NHSL2: variants seen among roughly 807,000 people sequenced by gnomAD.
The protein encoded by NHSL2 is NHS-like protein 2.
In NHSL2, 27 loss-of-function variants were observed where a neutral mutation model predicts 53.4. That is an observed-to-expected ratio of 0.51 (90% CI 0.37 to 0.70). The LOEUF is 0.70. Ranked by LOEUF, NHSL2 falls within the 30% of genes least tolerant of loss-of-function variation. The pLI is 0.00. For missense variants in NHSL2, 892 were observed against 980.1 expected (o/e 0.91, Z 1.20); for synonymous variants, 408 against 404.1 (o/e 1.01, Z -0.12).
At chrX:71,993,091 C>T (rs1179693792) in intron 1 of NHSL2, among the ~76,000 whole-genome samples, 1 of 112,049 alleles carries the variant, frequency 8.9e-6, no homozygotes, top group Middle Eastern at 4.2e-3. Context: ...TTCCACATAG[C>T]CAGCTGGGCC....
rs1038672289 is a variant in NHSL2 at position 72,150,797 on chromosome X, C to T, written c.*7223C>T. 8.9e-6 allele frequency: 1 copy of T among 111,963 alleles called. No homozygotes were observed. The highest frequency in any genetic ancestry group is 3.3e-5 in the African/African-American group (1 of 30,769). 9.2% of individuals were successfully genotyped at this position (111,963 alleles called of 1,213,427 possible). On this transcript the variant is annotated 3_prime_UTR_variant, in exon 8 of 8. Transcript: ENST00000633930. ...ATTTTCCATTGTTCCCTTGTTTCTC[C>T]TGGACTTCCTCTCGTTTCTCTTTTC...
intron 1 of NHSL2, among the ~76,000 whole-genome samples, chrX:72,049,147 G>C (rs972548661): frequency 3.6e-5 from 4 of 111,187 alleles, no homozygotes; most frequent in Non-Finnish European, 5.7e-5. Context: ...TCTTGCCAGG[G>C]AAGGCCCTGC....
chrX:72,011,722 C>T (rs1440125847), intron 1 of NHSL2, among the ~76,000 whole-genome samples: 1 of 111,755 alleles, frequency 8.9e-6, no homozygotes, highest in Non-Finnish European at 1.9e-5. Context: ...TACCATTTTA[C>T]ATTCCCACCA....
Position 72,139,194 on chromosome X carries a change from C to G in NHSL2, c.1646C>G (p.Ala549Gly). The change falls in exon 6 of 8, where the codon GCC becomes GGC. Residue 549 changes from alanine (A) to glycine (G), a missense_variant. Coordinates refer to ENST00000633930, the MANE Select transcript of NHSL2 (RefSeq NM_001013627.3). ...NIASLSAQQE[A>G]QHRRQRSKSI... ...GCCTCCCTTAGTGCCCAGCAAGAGG[C>G]CCAGCACAGAAGGCAGAGGTCCAAG... 8.5e-7 allele frequency: 1 copy of G among 1,174,496 alleles called. No individual in the cohort carries two copies. Among genetic ancestry groups the G allele is most frequent in the Non-Finnish European group, 1.1e-6 (1 of 876,443 alleles).
At chrX:72,138,347 A>G (rs1239809570) in intron 5 of NHSL2, 94 bp from the exon 6 acceptor site, 1 of 690,930 alleles carries the variant, frequency 1.4e-6, no homozygotes, top group Non-Finnish European at 2.1e-6. Flanking sequence ...CTGTTGGCAA[A>G]TGCTTCTTGG....
chrX:71,931,635 T>C (rs2041713769), intron 1 of NHSL2, among the ~76,000 whole-genome samples: 1 of 112,480 alleles, frequency 8.9e-6, no homozygotes, highest in South Asian at 3.7e-4. Context: ...CCTTCCTCCA[T>C]TGAATGGCAT....
rs777985537 is a variant in NHSL2, at chrX:72,140,212, A to G, written c.2664A>G (p.Pro888=). The change falls in exon 6 of 8, where the codon CCA becomes CCG. Residue 888 remains proline, a synonymous_variant. Coordinates refer to ENST00000633930, the MANE Select transcript of NHSL2 (RefSeq NM_001013627.3). ...GGCCTCCAAGCTTGGTCCACAAGCC[A>G]CCATCTGTTCCTGAGGAGTATGCAC... ...ARRPPSLVHK[P]PSVPEEYALT... is the part of the protein sequence containing the mutation. 5.0e-6 allele frequency: 6 copies of G among 1,210,230 alleles called. No homozygotes were observed. The highest frequency in any genetic ancestry group is 6.7e-6 in the Non-Finnish European group (6 of 894,721).
chrX:72,075,020 A>G (rs1450179176), intron 1 of NHSL2, among the ~76,000 whole-genome samples: 3 of 112,242 alleles, frequency 2.7e-5, no homozygotes, highest in Non-Finnish European at 5.6e-5. Flanking sequence ...AAGCTGAGAG[A>G]CCAAATCATA....
At chrX:72,022,126 C>A (rs2147901046) in intron 1 of NHSL2, among the ~76,000 whole-genome samples, 1 of 112,181 alleles carries the variant, frequency 8.9e-6, no homozygotes, top group East Asian at 2.8e-4. Context: ...TGGGAAGCCC[C>A]CCACCCACCA....
chrX:71,932,325 C>T (rs941898475), intron 1 of NHSL2, among the ~76,000 whole-genome samples: 1 of 109,639 alleles, frequency 9.1e-6, no homozygotes, highest in Non-Finnish European at 1.9e-5. Context: ...TGATGACCTA[C>T]AAGCACAAGA....
chrX:72,070,926 C>A (rs2041697748), intron 1 of NHSL2, among the ~76,000 whole-genome samples: 2 of 112,021 alleles, frequency 1.8e-5, no homozygotes, highest in African/African-American at 6.5e-5. Context: ...TGTTGTCTTG[C>A]CAAAAGTGTG....
At chrX:71,922,596 GA>G (rs1306535099) in intron 1 of NHSL2, among the ~76,000 whole-genome samples, 1 of 112,030 alleles carries the variant, frequency 8.9e-6, no homozygotes, top group East Asian at 2.8e-4. Flanking sequence ...AGGATCCCTT[GA>G]GCCCAAGAGT....
At chrX:71,962,925 A>G (rs2041874852) in intron 1 of NHSL2, among the ~76,000 whole-genome samples, 1 of 110,817 alleles carries the variant, frequency 9.0e-6, no homozygotes, top group Non-Finnish European at 1.9e-5. Context: ...AGCATGAGCC[A>G]CCATGCCCAT....
chrX:72,111,981 G>C (rs1213332201), intron 1 of NHSL2, among the ~76,000 whole-genome samples: 1 of 110,557 alleles, frequency 9.0e-6, no homozygotes, highest in East Asian at 2.9e-4. Context: ...AGGGTGACTA[G>C]GATCAGGACA....
intron 1 of NHSL2, among the ~76,000 whole-genome samples, chrX:72,009,776 T>A (rs940620467): frequency 5.3e-5 from 6 of 112,834 alleles, no homozygotes; most frequent in African/African-American, 1.6e-4. Context: ...GACTTTGTTC[T>A]GTTCACTGCT....
chrX:71,981,979 A>G (rs2041981488), intron 1 of NHSL2, among the ~76,000 whole-genome samples: 1 of 112,070 alleles, frequency 8.9e-6, no homozygotes, highest in Non-Finnish European at 1.9e-5. Context: ...TCTTAGGTAC[A>G]TACTCAAGAG....
rs142786959 is a variant in NHSL2, at chrX:72,034,532, T to C, written c.281-97547T>C. On this transcript the variant is annotated intron_variant, in intron 1 of 7. Transcript: ENST00000633930. Reference sequence around the variant, plus strand: ...ATTTTTCTTTAATGTTTGGTAGAATTCTCCAGTGAAAGCACCTGGGCCTGG... The same window carrying C: ...ATTTTTCTTTAATGTTTGGTAGAATCCTCCAGTGAAAGCACCTGGGCCTGG... Among the ~76,000 whole-genome samples the C allele has an allele frequency of 9.6e-3, 1,070 of 111,968 alleles. 48 individuals are homozygous for C. Among genetic ancestry groups the C allele is most frequent in the Admixed American group, 0.083 (878 of 10,554 alleles).
At position 72,138,878 on chromosome X, in the gene NHSL2, G is replaced by A. The variant is rs202045894; in HGVS notation, c.1330G>A (p.Ala444Thr). Reference protein sequence around the residue: ...VPKEAATLLVARDNPAGCSGS... With the variant: ...VPKEAATLLVTRDNPAGCSGS... ...TAAGGAGGCTGCTACCCTCCTTGTC[G>A]CTCGTGATAACCCAGCAGGATGCAG... Residue 444 changes from alanine (A) to threonine (T), a missense_variant, in exon 6 of 8, where the codon GCT becomes ACT. Coordinates refer to ENST00000633930, the MANE Select transcript of NHSL2 (RefSeq NM_001013627.3). 80 of 1,208,579 alleles carry A rather than the reference G, an allele frequency of 6.6e-5. No homozygotes were observed. The highest frequency in any genetic ancestry group is 7.7e-5 in the Non-Finnish European group (69 of 893,894).
intron 1 of NHSL2, among the ~76,000 whole-genome samples, chrX:71,955,384 C>T (rs2041838604): frequency 9.1e-6 from 1 of 109,997 alleles, no homozygotes; most frequent in Non-Finnish European, 1.9e-5. Context: ...TCAATGGCAC[C>T]TCCCCCGTGA....
Sources: gnomAD v4.1 joint callset for allele counts (sites outside exome capture counted in the v4.1 genomes callset) on GRCh38, gnomAD v4.1.1 for gene constraint, MANE v1.5 for transcripts, NCBI Gene and HGNC (gene_info 2026-07-23, HGNC 2026-07-21) for gene names.